KCTD21: variants seen among roughly 807,000 people sequenced by gnomAD.
KCTD21 encodes BTB/POZ domain-containing protein KCTD21.
Under a neutral mutation model 13.2 loss-of-function variants are expected in KCTD21, and 9 were observed. That is an observed-to-expected ratio of 0.68 (90% CI 0.41 to 1.19). The LOEUF (loss-of-function observed/expected upper bound fraction) is 1.19. Among genes scored for constraint, KCTD21 ranks in the 50% most tolerant of loss-of-function variants. The pLI is 0.01. For synonymous variants in KCTD21, 142 were observed against 137.4 expected, an observed-to-expected ratio of 1.03 and a Z score of -0.23; for missense variants, 303 against 336.5, an observed-to-expected ratio of 0.90 and a Z score of 0.78.
intron 1 of KCTD21, among the ~76,000 whole-genome samples, chr11:78,184,124 T>C (rs1475226152): frequency 1.3e-5 from 2 of 152,220 alleles, no homozygotes; most frequent in Non-Finnish European, 2.9e-5. Context: ...TACTTATTAA[T>C]TGTAAGAGAG....
chr11:78,188,186 T>A (rs1015299637), intron 1 of KCTD21: 30 of 985,236 alleles, frequency 3.0e-5, no homozygotes, highest in African/African-American at 1.0e-4. Context: ...CCTCATCGGC[T>A]TGTTCCGCAC....
chr11:78,186,677 C>G, intron 1 of KCTD21: 1 of 984,966 alleles, frequency 1.0e-6, no homozygotes, highest in Non-Finnish European at 1.2e-6. Context: ...TATTATATAC[C>G]TACTTTACAG....
At chr11:78,182,505 CAATG>C (rs1862658709) in intron 1 of KCTD21, among the ~76,000 whole-genome samples, 1 of 152,068 alleles carries the variant, frequency 6.6e-6, no homozygotes, top group Non-Finnish European at 1.5e-5. Context: ...GGTTTTAAAA[CAATG>C]AGAAGAGAAG....
At chr11:78,180,805 C>T (rs1426755039) in intron 1 of KCTD21, among the ~76,000 whole-genome samples, 1 of 152,184 alleles carries the variant, frequency 6.6e-6, no homozygotes, top group Non-Finnish European at 1.5e-5. Flanking sequence ...ACCCAAATCT[C>T]ACCTTGAATT....
At chr11:78,175,423 T>C (rs1862423457) in intron 1 of KCTD21, 1 of 152,120 alleles carries the variant, frequency 6.6e-6, no homozygotes, top group South Asian at 2.1e-4. Flanking sequence ...CAGGATTCAT[T>C]CCTCAAGCTC....
rs60869565 is a variant in KCTD21 at position 78,188,506 on chromosome 11, C to G, written c.-30+67G>C. On this transcript the variant is annotated intron_variant, in intron 1 of 1. Coordinates refer to ENST00000340067, the MANE Select transcript of KCTD21 (RefSeq NM_001029859.3). ...GATTAGTCTCATGGTAAGACAGGTGCTCAGTGGGCCCACGTACCCTCGCCG... is the reference window on the plus strand; with the variant it reads ...GATTAGTCTCATGGTAAGACAGGTGGTCAGTGGGCCCACGTACCCTCGCCG... The G allele has an allele frequency of 4.1e-3, 4,085 of 985,298 alleles. 104 individuals carry two copies. In the African/African-American group the frequency reaches 0.047, roughly 11 times the overall value. 61.0% of individuals were successfully genotyped at this position (985,298 alleles called of 1,614,324 possible). A position where few individuals can be genotyped will look rare whatever the true frequency, so the allele number is the denominator to read the frequency against.
intron 1 of KCTD21, among the ~76,000 whole-genome samples, chr11:78,178,969 T>C (rs918558630): frequency 6.6e-6 from 1 of 152,158 alleles, no homozygotes; most frequent in South Asian, 2.1e-4. Context: ...TTTATCTGCA[T>C]AGGGTGCCCA....
chr11:78,182,660 C>T (rs1466558569), intron 1 of KCTD21, among the ~76,000 whole-genome samples: 1 of 152,128 alleles, frequency 6.6e-6, no homozygotes, highest in Non-Finnish European at 1.5e-5. Context: ...CTAAAGCAGA[C>T]CCAAAGAGCG....
intron 1 of KCTD21, among the ~76,000 whole-genome samples, chr11:78,178,318 T>C (rs905267667): frequency 5.9e-5 from 9 of 151,978 alleles, no homozygotes; most frequent in South Asian, 4.2e-4. Flanking sequence ...TTAGTAGAGA[T>C]GGGATTTCAC....
rs775949601 is a variant in KCTD21, at chr11:78,174,097, C to A, written c.458G>T (p.Cys153Phe). Residue 153 changes from cysteine to phenylalanine, a missense_variant, in exon 2 of 2, where the codon TGC becomes TTC. Coordinates refer to ENST00000340067, the MANE Select transcript of KCTD21 (RefSeq NM_001029859.3). The stretch of plus-strand genomic sequence containing the variant: ...AGAGCCAAGGAGCTTGAGGAAGAGG[C>A]AGGAGGTGCTGAAGATGTTGGCGTT... The part of the protein sequence containing the change: ...VFNANIFSTS[C>F]LFLKLLGSKL... The A allele has an allele frequency of 1.2e-6, 2 of 1,614,110 alleles. No individual in the cohort carries two copies. Among genetic ancestry groups the A allele is most frequent in the Admixed American group, 1.7e-5 (1 of 60,018 alleles).
chr11:78,188,075 C>A, intron 1 of KCTD21: 1 of 985,402 alleles, frequency 1.0e-6, no homozygotes, highest in Non-Finnish European at 1.2e-6. Context: ...AGGCTTTTGC[C>A]CACGCCGCCA....
chr11:78,184,497 C>T (rs912444425), intron 1 of KCTD21, among the ~76,000 whole-genome samples: 1 of 151,992 alleles, frequency 6.6e-6, no homozygotes, highest in Non-Finnish European at 1.5e-5. Context: ...CCACCATGTC[C>T]GGCTAATTTT....
intron 1 of KCTD21, among the ~76,000 whole-genome samples, chr11:78,175,617 TCTCA>T (rs1227706180): frequency 6.6e-6 from 1 of 152,228 alleles, no homozygotes; most frequent in East Asian, 1.9e-4. Flanking sequence ...TATTATTCTC[TCTCA>T]AAGATTTGAC....
In KCTD21 at chr11:78,173,849, A is replaced by C; in HGVS notation, c.706T>G (p.Phe236Val). 2.2e-5 allele frequency: 35 copies of C among 1,614,180 alleles called. No homozygotes were observed. Among genetic ancestry groups the C allele is most frequent in the Non-Finnish European group, 3.0e-5 (35 of 1,180,032 alleles). Reference protein sequence around the residue: ...EVLKIALSDGFCIDSSHPHAL... With the variant: ...EVLKIALSDGVCIDSSHPHAL... ...TGTGGGTGAGAAGAATCGATGCAGA[A>C]GCCATCGCTCAGAGCGATTTTCAGT... is the stretch of plus-strand genomic sequence containing the variant. The change falls in exon 2 of 2, where the codon TTC (phenylalanine) becomes GTC (valine). Residue 236 changes from phenylalanine to valine, a missense_variant. Physicochemically the swap from Phe to Val is conservative, Grantham distance 50 (BLOSUM62 -1). Transcript: ENST00000340067.
At chr11:78,174,628 C>T (rs1862393215) in intron 1 of KCTD21, 45 bp from the exon 2 acceptor site, 3 of 1,365,830 alleles carry the variant, frequency 2.2e-6, no homozygotes, top group Non-Finnish European at 3.0e-6. Context: ...CAAACCTTAT[C>T]AGAGAACTCA....
In KCTD21 at chr11:78,172,190, C is replaced by A. The variant is rs575323240; in HGVS notation, c.*1582G>T. ...CAGTTTGGAGGCCTGCATGGCTCAT[C>A]ACCCGGTGGGAAGCAGTGCTTGGGT... On this transcript the variant is annotated 3_prime_UTR_variant, in exon 2 of 2. Coordinates refer to ENST00000340067, the MANE Select transcript of KCTD21 (RefSeq NM_001029859.3). The A allele has an allele frequency of 6.6e-6, 1 of 152,486 alleles. No homozygotes were observed. Among genetic ancestry groups the A allele is most frequent in the Admixed American group, 6.5e-5 (1 of 15,304 alleles). 9.4% of individuals were successfully genotyped at this position (152,486 alleles called of 1,614,324 possible).
At chr11:78,175,440 G>A (rs1481889618) in intron 1 of KCTD21, 1 of 152,066 alleles carries the variant, frequency 6.6e-6, no homozygotes, top group Admixed American at 6.5e-5. Context: ...GCTCAGAAAG[G>A]TGAAGTGCCT....
intron 1 of KCTD21, among the ~76,000 whole-genome samples, chr11:78,180,232 CAA>C (rs757274561): frequency 3.9e-4 from 59 of 152,280 alleles, no homozygotes; most frequent in South Asian, 1.2e-3. Flanking sequence ...TTCTGCTCTT[CAA>C]AAGACACTGT....
rs1019738371 is a variant in KCTD21, at chr11:78,172,226, G to C, written c.*1546C>G. 2.6e-5 allele frequency: 4 copies of C among 152,420 alleles called. No individual in the cohort carries two copies. The highest frequency in any genetic ancestry group is 9.6e-5 in the African/African-American group (4 of 41,458). The allele number at this position is 152,420 out of a possible 1,614,324, so 9.4% of individuals were successfully genotyped here. The stretch of plus-strand genomic sequence containing the variant: ...AAGCAGTGCTTGGGTTGCTTGCCCT[G>C]GATGGCACCCTACAGAGACCCAGGG... On this transcript the variant is annotated 3_prime_UTR_variant, in exon 2 of 2. Coordinates refer to ENST00000340067, the MANE Select transcript of KCTD21 (RefSeq NM_001029859.3).
Sources: gnomAD v4.1 joint callset for allele counts (sites outside exome capture counted in the v4.1 genomes callset) on GRCh38, gnomAD v4.1.1 for gene constraint, MANE v1.5 for transcripts, NCBI Gene and HGNC (gene_info 2026-07-23, HGNC 2026-07-21) for gene names.